Variants in GRK5 observed in about 807,000 individuals in gnomAD.
The protein encoded by GRK5 is g protein-coupled receptor kinase GRK5.
GRK5 carries 40 observed loss-of-function variants against 78.4 expected under a neutral mutation model. The observed-to-expected ratio is 0.51, with a 90% CI of 0.40 to 0.66. GRK5 has a LOEUF of 0.66. Ranked by LOEUF, GRK5 falls within the 30% of genes least tolerant of loss-of-function variation. GRK5 has a pLI of 0.00. For missense variants in GRK5, 598 were observed against 759.9 expected (o/e 0.79, Z 2.50); for synonymous variants, 289 against 296.8 (o/e 0.97, Z 0.27).
intron 2 of GRK5, among the ~76,000 whole-genome samples, chr10:119,344,341 C>G (rs1851039384): frequency 6.6e-6 from 1 of 152,174 alleles, no homozygotes; most frequent in Non-Finnish European, 1.5e-5. Context: ...TCCCCCACCC[C>G]ACGACAGGTC....
intron 2 of GRK5, among the ~76,000 whole-genome samples, chr10:119,346,742 TC>T (rs1564899675): frequency 6.6e-6 from 1 of 152,062 alleles, no homozygotes; most frequent in Non-Finnish European, 1.5e-5. Context: ...ACTGGAGTCC[TC>T]CCTGCTCACC....
At chr10:119,208,729 C>T (rs1214071728) in intron 1 of GRK5, 4 of 152,004 alleles carry the variant, frequency 2.6e-5, no homozygotes, top group Non-Finnish European at 4.4e-5. Flanking sequence ...GAAATATTGT[C>T]TAAATGGAGT....
At chr10:119,361,061 C>A (rs867951292) in intron 2 of GRK5, among the ~76,000 whole-genome samples, 7 of 152,160 alleles carry the variant, frequency 4.6e-5, no homozygotes, top group South Asian at 2.1e-4. Flanking sequence ...GGCTTTGGAG[C>A]CAAAAAGACC....
chr10:119,446,141 C>G (rs922118955), intron 12 of GRK5, among the ~76,000 whole-genome samples: 3 of 152,152 alleles, frequency 2.0e-5, no homozygotes, highest in Non-Finnish European at 4.4e-5. Context: ...CTGCCTGCCC[C>G]ACCCATCCCA....
chr10:119,426,009 C>T (rs937868907), intron 6 of GRK5, among the ~76,000 whole-genome samples: 2 of 152,252 alleles, frequency 1.3e-5, no homozygotes, highest in African/African-American at 2.4e-5. Context: ...CCATGCCGGG[C>T]CGAGCTGGTA....
intron 5 of GRK5, among the ~76,000 whole-genome samples, chr10:119,423,970 A>G (rs1188152507): frequency 6.6e-6 from 1 of 152,206 alleles, no homozygotes; most frequent in Non-Finnish European, 1.5e-5. Flanking sequence ...GCTGGGGGAT[A>G]CCAAGGTGAA....
chr10:119,327,088 G>T (rs1850692033), intron 2 of GRK5, among the ~76,000 whole-genome samples: 2 of 152,096 alleles, frequency 1.3e-5, no homozygotes, highest in South Asian at 4.1e-4. Flanking sequence ...CTGAGAGTCA[G>T]GTGGGGTGGG....
At chr10:119,317,016 A>T (rs995316632) in intron 1 of GRK5, among the ~76,000 whole-genome samples, 1 of 152,178 alleles carries the variant, frequency 6.6e-6, no homozygotes, top group Non-Finnish European at 1.5e-5. Flanking sequence ...AATGAAAAAG[A>T]CACTCCTATT....
At chr10:119,394,736 GGT>G (rs1336844831) in intron 3 of GRK5, among the ~76,000 whole-genome samples, 3 of 18,266 alleles carry the variant, frequency 1.6e-4, no homozygotes, top group South Asian at 2.0e-3. Flanking sequence ...TGTATGTTTG[GGT>G]GTGTGTGTGT....
chr10:119,311,169 C>T (rs1188672375), intron 1 of GRK5, among the ~76,000 whole-genome samples: 3 of 152,198 alleles, frequency 2.0e-5, no homozygotes, highest in African/African-American at 7.2e-5. Context: ...TGATCTCTTC[C>T]CTTCCGGTCC....
At chr10:119,209,134 C>T (rs1016938061) in intron 1 of GRK5, among the ~76,000 whole-genome samples, 1 of 152,304 alleles carries the variant, frequency 6.6e-6, no homozygotes, top group East Asian at 1.9e-4. Context: ...GGAAGAATTT[C>T]TGGCCAGCAA....
chr10:119,444,412 G>A (rs558177759), intron 12 of GRK5, among the ~76,000 whole-genome samples: 45 of 152,190 alleles, frequency 3.0e-4, no homozygotes, highest in African/African-American at 1.0e-3. Flanking sequence ...GAGTCCGCCC[G>A]TGCACCCCTG....
chr10:119,301,432 C>T (rs1390545024), intron 1 of GRK5, among the ~76,000 whole-genome samples: 2 of 152,186 alleles, frequency 1.3e-5, no homozygotes, highest in Admixed American at 6.5e-5. Context: ...GAGTCCTATT[C>T]CCCTGTCTCC....
intron 1 of GRK5, among the ~76,000 whole-genome samples, chr10:119,231,537 C>G (rs1043440390): frequency 2.0e-5 from 3 of 151,558 alleles, no homozygotes; most frequent in Admixed American, 6.6e-5. Context: ...GAAACCTTGT[C>G]TCTACTAAAA....
At chr10:119,349,368 C>T (rs1237795009) in intron 2 of GRK5, among the ~76,000 whole-genome samples, 1 of 152,216 alleles carries the variant, frequency 6.6e-6, no homozygotes, top group Non-Finnish European at 1.5e-5. Context: ...TGACTCTGCC[C>T]AGTGGTTCTG....
intron 6 of GRK5, 66 bp downstream of exon 6, chr10:119,425,151 A>G (rs1742612091): frequency 8.3e-7 from 1 of 1,210,540 alleles, no homozygotes. Flanking sequence ...CTGAGAATTC[A>G]TATAAAAATC....
chr10:119,305,346 C>T (rs1439949143), intron 1 of GRK5, among the ~76,000 whole-genome samples: 1 of 152,190 alleles, frequency 6.6e-6, no homozygotes, highest in African/African-American at 2.4e-5. Context: ...TCTGGGGTGA[C>T]ACCTCTGCTC....
intron 2 of GRK5, among the ~76,000 whole-genome samples, chr10:119,368,149 G>A (rs1226452669): frequency 6.6e-6 from 1 of 152,242 alleles, no homozygotes; most frequent in East Asian, 1.9e-4. Context: ...TGGCAGGCCA[G>A]GGCAGCGTGC....
chr10:119,349,304 C>G (rs999285607), intron 2 of GRK5, among the ~76,000 whole-genome samples: 11 of 152,204 alleles, frequency 7.2e-5, no homozygotes, highest in African/African-American at 2.7e-4. Context: ...CCGCTGAAGG[C>G]AGAGGCATGG....
Sources: allele counts gnomAD v4.1 joint callset (sites outside exome capture counted in the v4.1 genomes callset), GRCh38; gene constraint gnomAD v4.1.1; transcripts MANE v1.5; gene names NCBI Gene and HGNC (gene_info 2026-07-23, HGNC 2026-07-21).